ADGRG1: variants seen among roughly 807,000 people sequenced by gnomAD.
ADGRG1 encodes the protein 7-transmembrane protein with no EGF-like N-terminal domains-1.
Under a neutral mutation model 73.5 loss-of-function variants are expected in ADGRG1, and 53 were observed. The observed-to-expected ratio is 0.72, with a 90% CI of 0.58 to 0.91. ADGRG1 has a LOEUF of 0.91. Ranked by LOEUF, ADGRG1 falls within the 40% of genes least tolerant of loss-of-function variation. The pLI is 0.00. For synonymous variants in ADGRG1, 394 were observed against 374.4 expected (o/e 1.05, Z -0.60); for missense variants, 795 against 871.8 (o/e 0.91, Z 1.11).
At position 57,651,203 on chromosome 16, in the gene ADGRG1, C is replaced by G. The variant is rs1252437755; in HGVS notation, c.68C>G (p.Ala23Gly). 1 of 1,614,014 alleles carries G rather than the reference C, an allele frequency of 6.2e-7. No homozygotes were observed. The highest frequency in any genetic ancestry group is 1.1e-5 in the South Asian group (1 of 91,084). ...TCTGCAGCCTCTGCCTCCTCAGGTG[C>G]CCACGGCAGGGGCCACAGGGAAGAC... The part of the protein sequence containing the change: ...LLSLLFLVQG[A>G]HGRGHREDFR... Residue 23 changes from alanine (A) to glycine (G), a missense_variant, in exon 3 of 14, where the codon GCC becomes GGC. Physicochemically the swap from Ala to Gly is moderately conservative, Grantham distance 60. Coordinates refer to ENST00000562631, the MANE Select transcript of ADGRG1 (RefSeq NM_201525.4).
chr16:57,635,336 A>C, intron 1 of ADGRG1: 1 of 985,272 alleles, frequency 1.0e-6, no homozygotes, highest in Non-Finnish European at 1.2e-6. Context: ...CTGTGTGCAC[A>C]CCTAGGGGAC....
At chr16:57,627,038 C>T (rs1322433565), upstream of ADGRG1, 2 of 983,828 alleles carry the variant, frequency 2.0e-6, no homozygotes, top group Non-Finnish European at 2.4e-6. Flanking sequence ...TGGCCCACAG[C>T]CTGGACTGGG....
chr16:57,623,241 G>A, upstream of ADGRG1: 13 of 985,224 alleles, frequency 1.3e-5, no homozygotes, highest in Non-Finnish European at 1.6e-5. Flanking sequence ...ACCTTCCGGG[G>A]GTGGGGTGGA....
Position 57,656,398 on chromosome 16 carries a change from T to C in ADGRG1, c.1064-116T>C, listed in dbSNP as rs1277849446. The C allele has an allele frequency of 4.3e-6, 7 of 1,609,502 alleles. No homozygotes were observed. In the East Asian group the frequency reaches 1.3e-4, roughly 31 times the overall value. On this transcript the variant is annotated intron_variant, in intron 8 of 13. Coordinates refer to ENST00000562631, the MANE Select transcript of ADGRG1 (RefSeq NM_201525.4). Reference sequence around the variant, plus strand: ...AAGGAGGACTTTGAAGAGAGAGCGATGGCAGGCTATGAGTAGGCCGGGTGG... The same window carrying C: ...AAGGAGGACTTTGAAGAGAGAGCGACGGCAGGCTATGAGTAGGCCGGGTGG...
intron 1 of ADGRG1, chr16:57,633,487 C>A (rs1190880422): frequency 3.0e-6 from 3 of 985,266 alleles, no homozygotes; most frequent in Admixed American, 6.1e-5. Context: ...CAGACCTTTG[C>A]TTTTCCATCC....
chr16:57,655,447 C>A lies in ADGRG1; in HGVS notation c.817C>A (p.Leu273Ile). The A allele has an allele frequency of 6.2e-7, 1 of 1,613,832 alleles. No individual in the cohort carries two copies. Among genetic ancestry groups the A allele is most frequent in the Non-Finnish European group, 8.5e-7 (1 of 1,180,012 alleles). Residue 273 changes from leucine (L) to isoleucine (I), a missense_variant, in exon 6 of 14, where the codon CTC becomes ATC. Leu to Ile is a conservative substitution (Grantham distance 5). Transcript: ENST00000562631. ...MEYSVLLPRTLFQRTKGRSGE... is the reference protein window; with the variant it reads ...MEYSVLLPRTIFQRTKGRSGE... ...GTACTCGGTGCTGCTGCCTCGAACA[C>A]TCTTCCAGAGGACGAAAGGCCGGAG... is the stretch of plus-strand genomic sequence containing the variant.
chr16:57,650,338 C>G lies in ADGRG1; in HGVS notation c.51C>G (p.Leu17=). 7 of 1,612,400 alleles carry G rather than the reference C, an allele frequency of 4.3e-6. No homozygotes were observed. The highest frequency in any genetic ancestry group is 5.9e-6 in the Non-Finnish European group (7 of 1,178,382). ...CGACACTGTTCCTGCTGAGTCTGCTCTTCCTGGTCCAAGGCAGGTCTTCCC... is the reference window on the plus strand; with the variant it reads ...CGACACTGTTCCTGCTGAGTCTGCTGTTCCTGGTCCAAGGCAGGTCTTCCC... ...LQTTLFLLSL[L]FLVQGAHGRG... is the part of the protein sequence containing the mutation. Residue 17 remains leucine (L), a synonymous_variant, in exon 2 of 14, where the codon CTC becomes CTG. Coordinates refer to ENST00000562631, the MANE Select transcript of ADGRG1 (RefSeq NM_201525.4).
chr16:57,657,442 G>C lies in ADGRG1; in HGVS notation c.1237G>C (p.Val413Leu), dbSNP rs372354417. 1 of 1,613,998 alleles carries C rather than the reference G, an allele frequency of 6.2e-7. No individual in the cohort carries two copies. The highest frequency in any genetic ancestry group is 1.3e-5 in the African/African-American group (1 of 74,918). Residue 413 changes from valine (V) to leucine (L), a missense_variant, in exon 10 of 14, where the codon GTC (valine) becomes CTC (leucine). Physicochemically the swap from Val to Leu is conservative, Grantham distance 32. Coordinates refer to ENST00000562631, the MANE Select transcript of ADGRG1 (RefSeq NM_201525.4). ...CCTCCTCTCCTACGTGGGCTGTGTCGTCTCTGCCCTGGCCTGCCTTGTCAC... is the reference window on the plus strand; with the variant it reads ...CCTCCTCTCCTACGTGGGCTGTGTCCTCTCTGCCCTGGCCTGCCTTGTCAC... ...LSLLSYVGCV[V>L]SALACLVTIA...
At chr16:57,640,801 T>G (rs2040630109) in intron 1 of ADGRG1, 1 of 774,504 alleles carries the variant, frequency 1.3e-6, no homozygotes, top group African/African-American at 1.9e-5. Context: ...AAGGGAGGGT[T>G]GGTGGCCAGC....
At chr16:57,637,577 GAGA>G (rs2039683037) in intron 1 of ADGRG1, 1 of 985,290 alleles carries the variant, frequency 1.0e-6, no homozygotes, top group Non-Finnish European at 1.2e-6. Flanking sequence ...GCCTTTCCGG[GAGA>G]AGGTTTCACC....
chr16:57,632,460 AAAGTGCCTT>A (rs2038227544), intron 1 of ADGRG1: 14 of 419,370 alleles, frequency 3.3e-5, no homozygotes, highest in Non-Finnish European at 4.5e-5. Context: ...AGCATATGGG[AAAGTGCCTT>A]TCCCATACGT....
At chr16:57,645,039 G>A (rs1407593029) in intron 1 of ADGRG1, 33 of 976,788 alleles carry the variant, frequency 3.4e-5, no homozygotes, top group Non-Finnish European at 3.9e-5. Context: ...ACACACTCAT[G>A]CACATACACA....
upstream of ADGRG1, chr16:57,627,102 C>T (rs535970186): frequency 2.1e-6 from 2 of 973,108 alleles, no homozygotes; most frequent in Admixed American, 6.8e-5. Context: ...CACCTTATGG[C>T]CTCCCTGCAC....
intron 1 of ADGRG1, chr16:57,642,472 T>G: frequency 1.0e-6 from 1 of 985,282 alleles, no homozygotes; most frequent in Non-Finnish European, 1.2e-6. Flanking sequence ...GCGTCAAGAT[T>G]TCTGAGAGCT....
chr16:57,622,813 C>T (rs1252122061), upstream of ADGRG1: 5 of 985,156 alleles, frequency 5.1e-6, no homozygotes, highest in African/African-American at 5.2e-5. Flanking sequence ...CAGCGGGGCA[C>T]CCAGGCATGC....
In ADGRG1 at chr16:57,664,367, C is replaced by T. The variant is rs895712274; in HGVS notation, c.*785C>T. Reference sequence around the variant, plus strand: ...CCTCGGCCTGCCCCTGAGCCAGGCTCGGTACCGATGCGTGGGCTGGGCTAG... The same window carrying T: ...CCTCGGCCTGCCCCTGAGCCAGGCTTGGTACCGATGCGTGGGCTGGGCTAG... On this transcript the variant is annotated 3_prime_UTR_variant, in exon 14 of 14. Transcript: ENST00000562631. The T allele has an allele frequency of 1.3e-5, 2 of 152,578 alleles. No individual in the cohort carries two copies. Among genetic ancestry groups the T allele is most frequent in the Non-Finnish European group, 2.9e-5 (2 of 68,244 alleles). 9.5% of individuals were successfully genotyped at this position (152,578 alleles called of 1,614,324 possible).
At position 57,644,704 on chromosome 16, in the gene ADGRG1, GCACACACTGATCA is replaced by G. The variant is rs530835104; in HGVS notation, c.-35-5545_-35-5533del. Among the ~76,000 whole-genome samples, 164 of 54,446 alleles carry G rather than the reference GCACACACTGATCA, an allele frequency of 3.0e-3. 1 individual carries two copies. The highest frequency in any genetic ancestry group is 0.014 in the African/African-American group (161 of 11,776). 35.7% of individuals were successfully genotyped at this position (54,446 alleles called of 152,430 possible). On this transcript the variant is annotated intron_variant, in intron 1 of 13. Transcript: ENST00000562631. ...CATGCACAAGCACACACATGCACGG[GCACACACTGATCA>G]CACGCACTGGCACACACTGATCACA...
At chr16:57,637,423 T>A in intron 1 of ADGRG1, 5 of 985,228 alleles carry the variant, frequency 5.1e-6, no homozygotes, top group Non-Finnish European at 6.0e-6. Context: ...TGTAAGTGAG[T>A]GCCAAGTGTA....
Position 57,665,266 on chromosome 16 carries a change from C to T in ADGRG1, c.*1684C>T, listed in dbSNP as rs1180221243. 1 of 152,232 alleles carries T rather than the reference C, an allele frequency of 6.6e-6. No individual in the cohort carries two copies. Among genetic ancestry groups the T allele is most frequent in the Non-Finnish European group, 1.5e-5 (1 of 68,092 alleles). 9.4% of individuals were successfully genotyped at this position (152,232 alleles called of 1,614,324 possible). A position where few individuals can be genotyped will look rare whatever the true frequency, so the allele number is the denominator to read the frequency against. On this transcript the variant is annotated 3_prime_UTR_variant, in exon 14 of 14. Transcript: ENST00000562631. Reference sequence around the variant, plus strand: ...GGGAGGCAATGGGGAGTGGTGGGGCCTGTGGCGAACTGGAGACTCCCAACC... The same window carrying T: ...GGGAGGCAATGGGGAGTGGTGGGGCTTGTGGCGAACTGGAGACTCCCAACC...
Sources: allele counts gnomAD v4.1 joint callset (sites outside exome capture counted in the v4.1 genomes callset), GRCh38; gene constraint gnomAD v4.1.1; transcripts MANE v1.5; gene names NCBI Gene and HGNC (gene_info 2026-07-23, HGNC 2026-07-21).